Variants in PIGL observed in about 807,000 individuals in gnomAD.
PIGL encodes phosphatidylinositol glycan anchor biosynthesis class L.
Under a neutral mutation model 31.1 loss-of-function variants are expected in PIGL, and 22 were observed. The ratio of observed to expected loss-of-function variants is 0.71; its 90% CI spans 0.51 to 1.01. The LOEUF (loss-of-function observed/expected upper bound fraction) is 1.01, where lower values mean the gene tolerates loss of function less well. PIGL is among the 50% of genes least tolerant of loss of function. The pLI is 0.00. For missense variants in PIGL, 302 were observed against 315.9 expected (o/e 0.96, Z 0.33); for synonymous variants, 131 against 117.4 (o/e 1.12, Z -0.75).
intron 3 of PIGL, among the ~76,000 whole-genome samples, chr17:16,302,260 T>C (rs1485614450): frequency 2.0e-5 from 3 of 152,114 alleles, no homozygotes; most frequent in African/African-American, 7.2e-5. Flanking sequence ...CCACACTCCC[T>C]GCCTACCCTT....
chr17:16,268,536 C>T (rs184449132), intron 2 of PIGL, among the ~76,000 whole-genome samples: 1 of 152,266 alleles, frequency 6.6e-6, no homozygotes, highest in Non-Finnish European at 1.5e-5. Context: ...GCAACCTCTG[C>T]CCCCTGGGTT....
At position 16,248,122 on chromosome 17, in the gene PIGL, G is replaced by A. The variant is rs992848208; in HGVS notation, c.335+14052G>A. ...AGGCTGGTCCTGAACTCCTGACCTC[G>A]TGATCCACCAGCCTTGGCCTCCCAA... On this transcript the variant is annotated intron_variant, in intron 2 of 6. Transcript: ENST00000225609. Among the ~76,000 whole-genome samples the A allele has an allele frequency of 1.3e-4, 20 of 152,176 alleles. No individual in the cohort carries two copies. In the East Asian group the frequency reaches 3.9e-3, roughly 29 times the overall value.
At chr17:16,267,481 G>A (rs556765338) in intron 2 of PIGL, among the ~76,000 whole-genome samples, 1 of 152,192 alleles carries the variant, frequency 6.6e-6, no homozygotes, top group Admixed American at 6.5e-5. Flanking sequence ...CAGTTCAAAC[G>A]TGTTGTTCAA....
At chr17:16,240,098 A>G (rs908670927) in intron 2 of PIGL, among the ~76,000 whole-genome samples, 2 of 152,088 alleles carry the variant, frequency 1.3e-5, no homozygotes, top group African/African-American at 4.8e-5. Context: ...GTTTAGCACT[A>G]TCCTCCTTGG....
chr17:16,224,609 C>A (rs2092643864), intron 1 of PIGL, among the ~76,000 whole-genome samples: 1 of 149,944 alleles, frequency 6.7e-6, no homozygotes, highest in African/African-American at 2.5e-5. Flanking sequence ...GCCCAGCCCC[C>A]AAATACATTT....
In PIGL at chr17:16,256,325, G is replaced by GT. The variant is rs536151323; in HGVS notation, c.335+22262dup. On this transcript the variant is annotated intron_variant, in intron 2 of 6. Coordinates refer to ENST00000225609, the MANE Select transcript of PIGL (RefSeq NM_004278.4). ...AGATGTTCATAATATAATATTGAGGGTTTTTTTGTTGTTTGTTTGTTTGTT... is the reference window on the plus strand; with the variant it reads ...AGATGTTCATAATATAATATTGAGGGTTTTTTTTGTTGTTTGTTTGTTTGTT... Among the ~76,000 whole-genome samples, 8 of 151,384 alleles carry GT rather than the reference G, an allele frequency of 5.3e-5. No individual in the cohort carries two copies. In the East Asian group the frequency reaches 1.2e-3, roughly 22 times the overall value.
chr17:16,269,405 T>C (rs957557173), intron 2 of PIGL, among the ~76,000 whole-genome samples: 3 of 152,026 alleles, frequency 2.0e-5, no homozygotes, highest in Admixed American at 6.5e-5. Context: ...CCCAGCACTT[T>C]GGGAGGCTGA....
chr17:16,224,179 C>T (rs2092641522), intron 1 of PIGL, among the ~76,000 whole-genome samples: 1 of 151,930 alleles, frequency 6.6e-6, no homozygotes, highest in African/African-American at 2.4e-5. Context: ...TGCGCCACTG[C>T]ACTCCAGCCT....
At chr17:16,241,621 G>T (rs1028943968) in intron 2 of PIGL, among the ~76,000 whole-genome samples, 1 of 151,974 alleles carries the variant, frequency 6.6e-6, no homozygotes, top group Non-Finnish European at 1.5e-5. Flanking sequence ...GGATTAACTG[G>T]AGTGATAAGA....
intron 2 of PIGL, among the ~76,000 whole-genome samples, chr17:16,253,979 A>G (rs902592764): frequency 4.0e-5 from 6 of 151,888 alleles, no homozygotes; most frequent in Admixed American, 1.3e-4. Context: ...CAGTACCCCA[A>G]TCTATGTCTC....
chr17:16,305,244 G>T (rs113724529), intron 3 of PIGL, among the ~76,000 whole-genome samples: 1 of 152,020 alleles, frequency 6.6e-6, no homozygotes, highest in East Asian at 1.9e-4. Flanking sequence ...ATCACGTCAC[G>T]TCACTGCACT....
intron 2 of PIGL, among the ~76,000 whole-genome samples, chr17:16,294,915 G>C (rs1381398829): frequency 6.6e-6 from 1 of 152,156 alleles, no homozygotes; most frequent in East Asian, 1.9e-4. Flanking sequence ...CTTAGAGGTG[G>C]TGGTGCCCTT....
At chr17:16,233,092 C>T (rs1413056861) in intron 1 of PIGL, among the ~76,000 whole-genome samples, 1 of 148,594 alleles carries the variant, frequency 6.7e-6, no homozygotes, top group East Asian at 1.9e-4. Flanking sequence ...CCAGCCAGGG[C>T]GACAGAGCAA....
intron 3 of PIGL, among the ~76,000 whole-genome samples, chr17:16,307,364 G>A (rs1275628521): frequency 6.6e-6 from 1 of 152,204 alleles, no homozygotes; most frequent in Non-Finnish European, 1.5e-5. Context: ...AGGGCACCTT[G>A]GCCTAGGTGC....
intron 2 of PIGL, among the ~76,000 whole-genome samples, chr17:16,253,180 G>C (rs2092779857): frequency 6.6e-6 from 1 of 151,050 alleles, no homozygotes; most frequent in African/African-American, 2.4e-5. Context: ...CTTGAACCCG[G>C]GAGGCGGAGG....
intron 2 of PIGL, among the ~76,000 whole-genome samples, chr17:16,245,703 TATATATATATACACAC>T (rs1238072013): frequency 1.3e-5 from 2 of 149,478 alleles, no homozygotes; most frequent in African/African-American, 4.9e-5. Flanking sequence ...ATGCCTGGCC[TATATATATATACACAC>T]ATATATATAT....
At chr17:16,295,062 T>C (rs1392596285) in intron 2 of PIGL, among the ~76,000 whole-genome samples, 1 of 152,216 alleles carries the variant, frequency 6.6e-6, no homozygotes, top group African/African-American at 2.4e-5. Context: ...GGTTAGACCT[T>C]GACTGATTAA....
intron 6 of PIGL, 48 bp downstream of exon 6, chr17:16,317,956 G>T: frequency 1.5e-6 from 2 of 1,337,320 alleles, no homozygotes; most frequent in South Asian, 1.2e-5. Flanking sequence ...CCCTGCCCCA[G>T]ACCCCTGTCT....
chr17:16,320,388 GAA>G (rs1346768906), intron 6 of PIGL, among the ~76,000 whole-genome samples: 1 of 134,018 alleles, frequency 7.5e-6, no homozygotes, highest in African/African-American at 2.8e-5. Context: ...AAGGAAGAAA[GAA>G]AGAGAGGGGA....
Sources: allele counts gnomAD v4.1 joint callset (sites outside exome capture counted in the v4.1 genomes callset), GRCh38; gene constraint gnomAD v4.1.1; transcripts MANE v1.5; gene names NCBI Gene and HGNC (gene_info 2026-07-23, HGNC 2026-07-21).